The following IFFO2 variants were observed in gnomAD, a reference collection of about 807,000 sequenced individuals.
IFFO2 encodes intermediate filament family orphan 2.
Under a neutral mutation model 53.5 loss-of-function variants are expected in IFFO2, and 19 were observed. That is an observed-to-expected ratio of 0.36 (90% CI 0.25 to 0.52). The LOEUF (loss-of-function observed/expected upper bound fraction) is 0.52, where lower values mean the gene tolerates loss of function less well. IFFO2 is among the 20% of genes least tolerant of loss of function. IFFO2 has a pLI of 0.94. For missense variants in IFFO2, 570 were observed against 727.4 expected, an observed-to-expected ratio of 0.78 and a Z score of 2.49; for synonymous variants, 303 against 313.6, an observed-to-expected ratio of 0.97 and a Z score of 0.36.
intron 5 of IFFO2, among the ~76,000 whole-genome samples, chr1:18,915,163 C>T (rs568134995): frequency 1.3e-5 from 2 of 152,134 alleles, no homozygotes; most frequent in Non-Finnish European, 2.9e-5. Context: ...GCTCTGTGTG[C>T]CCCTCTGAGT....
intron 1 of IFFO2, among the ~76,000 whole-genome samples, chr1:18,955,152 T>C (rs141732871): frequency 1.6e-4 from 24 of 152,234 alleles, no homozygotes; most frequent in African/African-American, 5.8e-4. Context: ...GAGTTTTTCT[T>C]TTCATATGTT....
chr1:18,920,682 C>T (rs1936204094), intron 2 of IFFO2, among the ~76,000 whole-genome samples: 1 of 152,160 alleles, frequency 6.6e-6, no homozygotes, highest in Non-Finnish European at 1.5e-5. Flanking sequence ...GCCTTCAGCC[C>T]CAACCGAGGG....
Position 18,910,428 on chromosome 1 carries a change from G to A in IFFO2, c.1362C>T (p.His454=), listed in dbSNP as rs549837447. 29 of 1,614,008 alleles carry A rather than the reference G, an allele frequency of 1.8e-5. No individual in the cohort carries two copies. The highest frequency in any genetic ancestry group is 1.5e-4 in the Admixed American group (9 of 60,024). Residue 454 remains histidine (H), a synonymous_variant, in exon 8 of 9, where the codon CAC becomes CAT. Transcript: ENST00000455833. ...TAKSDMNRHL[H]EYMEMCSMKR... is the part of the protein sequence containing the mutation. The stretch of plus-strand genomic sequence containing the variant: ...TCATGCTGCACATCTCCATGTACTC[G>A]TGCAGGTGTCGGTTCATGTCACTTT...
intron 5 of IFFO2, among the ~76,000 whole-genome samples, chr1:18,914,074 G>A (rs1036037078): frequency 1.2e-4 from 18 of 152,064 alleles, no homozygotes; most frequent in Admixed American, 2.0e-4. Flanking sequence ...CTCGTGATCC[G>A]CCTGCCTCGG....
chr1:18,920,547 G>A (rs1399986003), intron 2 of IFFO2, among the ~76,000 whole-genome samples: 1 of 152,248 alleles, frequency 6.6e-6, no homozygotes, highest in African/African-American at 2.4e-5. Flanking sequence ...AGGTGGGGGA[G>A]TTGCAGAGCC....
chr1:18,923,050 G>A (rs541236966), intron 1 of IFFO2, among the ~76,000 whole-genome samples: 28 of 152,342 alleles, frequency 1.8e-4, no homozygotes, highest in African/African-American at 5.8e-4. Flanking sequence ...GGCTCAGAGC[G>A]GGGAAGGCGA....
intron 1 of IFFO2, 42 bp downstream of exon 1, chr1:18,955,626 G>T: frequency 6.6e-7 from 1 of 1,524,254 alleles, no homozygotes; most frequent in Non-Finnish European, 8.8e-7. Context: ...CCTGGACCTG[G>T]GCGCCCCGTC....
At position 18,956,273 on chromosome 1, in the gene IFFO2, G is replaced by A; in HGVS notation, c.60C>T (p.Gly20=). The change falls in exon 1 of 9, where the codon GGC becomes GGT. Residue 20 remains glycine, a synonymous_variant. Coordinates refer to ENST00000455833, the MANE Select transcript of IFFO2 (RefSeq NM_001136265.2). This position sits in a 1 kb window ranked among gnomAD's most constrained non-coding sequence, Gnocchi z 6.4. ...MALAFGCPPG[G]GGGGCPGGGG... ...CCCCGCCAGGGCAGCCCCCGCCGCC[G>A]CCGCCCGGCGGGCAGCCGAAGGCCA... 4.7e-6 allele frequency: 4 copies of A among 847,466 alleles called. No individual in the cohort carries two copies. The highest frequency in any genetic ancestry group is 4.2e-5 in the South Asian group (1 of 23,976). 52.5% of individuals were successfully genotyped at this position (847,466 alleles called of 1,614,324 possible). A position where few individuals can be genotyped will look rare whatever the true frequency, so the allele number is the denominator to read the frequency against.
Position 18,917,843 on chromosome 1 carries a change from G to A in IFFO2, c.963+519C>T, listed in dbSNP as rs1438038438. Among the ~76,000 whole-genome samples the A allele has an allele frequency of 2.0e-5, 3 of 152,200 alleles. No homozygotes were observed. The highest frequency in any genetic ancestry group is 4.4e-5 in the Non-Finnish European group (3 of 68,032). Reference sequence around the variant, plus strand: ...CACCCACACTTGCACGTTAGGTCGGGGGGGTATCGAGAGCCTCTTTGGGGT... The same window carrying A: ...CACCCACACTTGCACGTTAGGTCGGAGGGGTATCGAGAGCCTCTTTGGGGT... On this transcript the variant is annotated intron_variant, in intron 4 of 8. Transcript: ENST00000455833. The surrounding 1 kb of genome is among the most constrained non-coding windows in gnomAD (Gnocchi z 5.9).
At chr1:18,911,577 C>A in intron 6 of IFFO2, 101 bp from the exon 7 acceptor site, 1 of 544,356 alleles carries the variant, frequency 1.8e-6, no homozygotes, top group Non-Finnish European at 2.7e-6. Flanking sequence ...CTCGCTCTGT[C>A]ACCCAGGCTG....
In IFFO2 at chr1:18,918,592, G is replaced by T; in HGVS notation, c.823-90C>A. On this transcript the variant is annotated intron_variant, in intron 3 of 8. Coordinates refer to ENST00000455833, the MANE Select transcript of IFFO2 (RefSeq NM_001136265.2). The surrounding 1 kb of genome is among the most constrained non-coding windows in gnomAD (Gnocchi z 5.2). ...GAGGTGGGGAGACCCCTAGGTGTCAGCAGGGGTGGTGCGGGGAGGCCTCCA... is the reference window on the plus strand; with the variant it reads ...GAGGTGGGGAGACCCCTAGGTGTCATCAGGGGTGGTGCGGGGAGGCCTCCA... 1 of 1,396,286 alleles carries T rather than the reference G, an allele frequency of 7.2e-7. No individual in the cohort carries two copies. The highest frequency in any genetic ancestry group is 9.8e-7 in the Non-Finnish European group (1 of 1,017,416). 86.5% of individuals were successfully genotyped at this position (1,396,286 alleles called of 1,614,324 possible). A position where few individuals can be genotyped will look rare whatever the true frequency, so the allele number is the denominator to read the frequency against.
intron 1 of IFFO2, among the ~76,000 whole-genome samples, chr1:18,938,235 A>G (rs1936474777): frequency 2.0e-5 from 3 of 152,244 alleles, no homozygotes; most frequent in Admixed American, 1.3e-4. Flanking sequence ...GAATAACAAT[A>G]GTACCTACAC....
In IFFO2 at chr1:18,947,522, C is replaced by T. The variant is rs1936606022; in HGVS notation, c.665+8146G>A. On this transcript the variant is annotated intron_variant, in intron 1 of 8. Coordinates refer to ENST00000455833, the MANE Select transcript of IFFO2 (RefSeq NM_001136265.2). This position sits in a 1 kb window ranked among gnomAD's most constrained non-coding sequence, Gnocchi z 5.0. ...ACAGGATAAAGGTTGGATCTGGAGC[C>T]TGACTTCCAAGTTACTTCTCCTCTC... is the stretch of plus-strand genomic sequence containing the variant. Among the ~76,000 whole-genome samples the T allele has an allele frequency of 6.6e-6, 1 of 152,194 alleles. No homozygotes were observed.
chr1:18,908,471 G>A lies in IFFO2; in HGVS notation c.*90C>T, dbSNP rs930554591. 17 of 930,286 alleles carry A rather than the reference G, an allele frequency of 1.8e-5. No homozygotes were observed. Among genetic ancestry groups the A allele is most frequent in the South Asian group, 4.2e-5 (3 of 71,170 alleles). 57.6% of individuals were successfully genotyped at this position (930,286 alleles called of 1,614,324 possible). A position where few individuals can be genotyped will look rare whatever the true frequency, so the allele number is the denominator to read the frequency against. ...GAGAAAGTCTGTGTGGTGTGGCTTC[G>A]AACCCCACTCCGAGGGGCCTTCCTG... On this transcript the variant is annotated 3_prime_UTR_variant, in exon 9 of 9. Transcript: ENST00000455833.
At chr1:18,921,829 T>G (rs1488819691) in intron 1 of IFFO2, among the ~76,000 whole-genome samples, 1 of 151,940 alleles carries the variant, frequency 6.6e-6, no homozygotes, top group Non-Finnish European at 1.5e-5. Context: ...TTGACACGAG[T>G]ACTGCCCGAA....
At position 18,911,419 on chromosome 1, in the gene IFFO2, C is replaced by G; in HGVS notation, c.1282G>C (p.Asp428His). The change falls in exon 7 of 9, where the codon GAC becomes CAC. Residue 428 changes from aspartate (D) to histidine (H), a missense_variant. Asp to His is a moderately conservative substitution (Grantham distance 81, BLOSUM62 -1). Transcript: ENST00000455833. Reference sequence around the variant, plus strand: ...CCTATCGTTTCCTGGTACTCCTTGTCTCTCGTCTTGAAGAAGGATTCGGTC... The same window carrying G: ...CCTATCGTTTCCTGGTACTCCTTGTGTCTCGTCTTGAAGAAGGATTCGGTC... ...HETESFFKTRDKEYQETIGQI... is the reference protein window; with the variant it reads ...HETESFFKTRHKEYQETIGQI... 6.6e-7 allele frequency: 1 copy of G among 1,524,060 alleles called. No individual in the cohort carries two copies. Among genetic ancestry groups the G allele is most frequent in the Non-Finnish European group, 8.8e-7 (1 of 1,135,318 alleles). The allele number at this position is 1,524,060 out of a possible 1,614,324, so 94.4% of individuals were successfully genotyped here.
Position 18,956,104 on chromosome 1 carries a change from G to T in IFFO2, c.229C>A (p.Arg77Ser), listed in dbSNP as rs1157619102. 6.7e-7 allele frequency: 1 copy of T among 1,503,740 alleles called. No individual in the cohort carries two copies. Among genetic ancestry groups the T allele is most frequent in the East Asian group, 2.7e-5 (1 of 37,660 alleles). The allele number at this position is 1,503,740 out of a possible 1,614,324, so 93.1% of individuals were successfully genotyped here. A position where few individuals can be genotyped will look rare whatever the true frequency, so the allele number is the denominator to read the frequency against. ...AGCTGCTTCTCCAGCAGCCGGTTGC[G>T]CCGCTCCAGCTCGTGCACCTTAGCC... ...FLAKVHELERRNRLLEKQLEQ... is the reference protein window; with the variant it reads ...FLAKVHELERSNRLLEKQLEQ... The change falls in exon 1 of 9, where the codon CGC (arginine) becomes AGC (serine). Residue 77 changes from arginine (R) to serine (S), a missense_variant. Coordinates refer to ENST00000455833, the MANE Select transcript of IFFO2 (RefSeq NM_001136265.2). This position sits in a 1 kb window ranked among gnomAD's most constrained non-coding sequence, Gnocchi z 6.4.
chr1:18,909,561 C>G (rs1167424326), intron 8 of IFFO2, among the ~76,000 whole-genome samples: 1 of 152,134 alleles, frequency 6.6e-6, no homozygotes, highest in Non-Finnish European at 1.5e-5. Context: ...TTCCCCCATC[C>G]TGTTCTTGTG....
chr1:18,911,307 G>A, intron 7 of IFFO2, 77 bp downstream of exon 7: 3 of 699,454 alleles, frequency 4.3e-6, no homozygotes, highest in Non-Finnish European at 4.4e-6. Context: ...TGACACATGG[G>A]TGTTTGATCG....
Sources: allele counts gnomAD v4.1 joint callset (sites outside exome capture counted in the v4.1 genomes callset), GRCh38; gene constraint gnomAD v4.1.1; non-coding constraint Gnocchi (gnomAD v3.1); transcripts MANE v1.5; gene names NCBI Gene and HGNC (gene_info 2026-07-23, HGNC 2026-07-21).